GPD2: variants seen among roughly 807,000 people sequenced by gnomAD.
GPD2 encodes glycerol-3-phosphate dehydrogenase 2.
Under a neutral mutation model 82.4 loss-of-function variants are expected in GPD2, and 54 were observed. That is an observed-to-expected ratio of 0.66 (90% CI 0.53 to 0.82). GPD2 has a LOEUF of 0.82. Among genes scored for constraint, GPD2 ranks in the 40% least tolerant of loss-of-function variants. The probability of loss-of-function intolerance (pLI) is 0.00; values close to 1 mark genes in which losing one functional copy is unlikely to be tolerated. For synonymous variants in GPD2, 288 were observed against 306.1 expected (o/e 0.94, Z 0.62); for missense variants, 748 against 896.2 (o/e 0.83, Z 2.11).
intron 1 of GPD2, among the ~76,000 whole-genome samples, chr2:156,469,641 T>C (rs1488458706): frequency 6.6e-6 from 1 of 152,178 alleles, no homozygotes; most frequent in African/African-American, 2.4e-5. Context: ...TGCTGGAGAA[T>C]GCATGCCCCG....
chr2:156,450,559 T>G (rs980349509), intron 1 of GPD2, among the ~76,000 whole-genome samples: 1 of 152,076 alleles, frequency 6.6e-6, no homozygotes, highest in Non-Finnish European at 1.5e-5. Flanking sequence ...TTTGGTGAAA[T>G]GAGGTCATTT....
intron 2 of GPD2, among the ~76,000 whole-genome samples, chr2:156,495,217 C>T (rs1337386804): frequency 2.0e-5 from 3 of 151,996 alleles, no homozygotes; most frequent in South Asian, 2.1e-4. Flanking sequence ...GGCTTGGTGG[C>T]GCACACCTGT....
chr2:156,429,625 T>C, the GPD2 span, among the ~76,000 whole-genome samples: 1 of 152,212 alleles, frequency 6.6e-6, no homozygotes, highest in Admixed American at 6.5e-5. Context: ...TTCCCAGTTC[T>C]TATAAAGCAG....
At chr2:156,480,181 G>A (rs1683671945) in intron 2 of GPD2, among the ~76,000 whole-genome samples, 1 of 152,214 alleles carries the variant, frequency 6.6e-6, no homozygotes, top group African/African-American at 2.4e-5. Flanking sequence ...GGAGAATGGA[G>A]TAGATGAAGA....
intron 2 of GPD2, among the ~76,000 whole-genome samples, chr2:156,484,275 A>C (rs536357477): frequency 6.6e-6 from 1 of 151,958 alleles, no homozygotes; most frequent in Non-Finnish European, 1.5e-5. Context: ...AGCTGGGATT[A>C]CAGTCGCCTG....
chr2:156,487,080 C>A (rs1683972305), intron 2 of GPD2, among the ~76,000 whole-genome samples: 1 of 152,110 alleles, frequency 6.6e-6, no homozygotes, highest in African/African-American at 2.4e-5. Flanking sequence ...CCAAGGCGGG[C>A]AGATCACCTG....
intron 1 of GPD2, among the ~76,000 whole-genome samples, chr2:156,454,149 C>T (rs578034645): frequency 1.4e-4 from 22 of 152,080 alleles, no homozygotes; most frequent in Non-Finnish European, 2.9e-4. Flanking sequence ...TGAACAGAGT[C>T]GTTACTCAAA....
chr2:156,495,506 TTAAA>T, intron 2 of GPD2: 1 of 351,284 alleles, frequency 2.8e-6, no homozygotes, highest in Non-Finnish European at 6.0e-6. Context: ...GTACCTTCTG[TTAAA>T]TAAATTCTTT....
chr2:156,545,518 A>G (rs967238993), intron 6 of GPD2, among the ~76,000 whole-genome samples: 10 of 152,216 alleles, frequency 6.6e-5, no homozygotes, highest in Non-Finnish European at 1.5e-4. Flanking sequence ...TTTTTAATTG[A>G]TGAAATTATG....
At chr2:156,450,721 G>A (rs1254309546) in intron 1 of GPD2, among the ~76,000 whole-genome samples, 1 of 84,036 alleles carries the variant, frequency 1.2e-5, no homozygotes, top group Non-Finnish European at 2.4e-5. Flanking sequence ...AGGGGGATTT[G>A]GCAGGGTCAC....
intron 6 of GPD2, among the ~76,000 whole-genome samples, chr2:156,513,844 T>C (rs540562022): frequency 6.6e-6 from 1 of 152,356 alleles, no homozygotes; most frequent in East Asian, 1.9e-4. Context: ...CTTATGAATA[T>C]ATTATAATGT....
At chr2:156,527,488 A>T (rs916933171) in intron 6 of GPD2, among the ~76,000 whole-genome samples, 5 of 152,066 alleles carry the variant, frequency 3.3e-5, no homozygotes, top group Non-Finnish European at 7.4e-5. Flanking sequence ...TATTTTTTTT[A>T]ACTCATCTTT....
chr2:156,456,399 T>C (rs1187700788), intron 1 of GPD2, among the ~76,000 whole-genome samples: 1 of 151,128 alleles, frequency 6.6e-6, no homozygotes, highest in African/African-American at 2.4e-5. Flanking sequence ...AGGTCAGGAG[T>C]TTGAGACCAG....
At chr2:156,462,050 A>T (rs1036329278) in intron 1 of GPD2, among the ~76,000 whole-genome samples, 3 of 152,218 alleles carry the variant, frequency 2.0e-5, no homozygotes, top group Non-Finnish European at 4.4e-5. Context: ...GGAATTTTCG[A>T]GTTTTTTAGA....
chr2:156,414,210 A>G, the GPD2 span, among the ~76,000 whole-genome samples: 1 of 152,334 alleles, frequency 6.6e-6, no homozygotes, highest in Non-Finnish European at 1.5e-5. Context: ...AATGTCATCA[A>G]TGTATTCTTA....
At chr2:156,535,408 A>G (rs1232791125) in intron 6 of GPD2, among the ~76,000 whole-genome samples, 2 of 108,388 alleles carry the variant, frequency 1.8e-5, no homozygotes, top group African/African-American at 7.1e-5. Context: ...GCGGGGAGAG[A>G]GAGAGACCTA....
At chr2:156,443,279 T>C (rs1280111399) in intron 1 of GPD2, among the ~76,000 whole-genome samples, 1 of 152,246 alleles carries the variant, frequency 6.6e-6, no homozygotes, top group Non-Finnish European at 1.5e-5. Flanking sequence ...CCTGTAATTA[T>C]TTGCAAGCAT....
At chr2:156,551,403 G>T (rs1222696997) in intron 8 of GPD2, among the ~76,000 whole-genome samples, 1 of 152,072 alleles carries the variant, frequency 6.6e-6, no homozygotes, top group East Asian at 1.9e-4. Flanking sequence ...AATTACAAAA[G>T]AAACATTTGT....
At chr2:156,431,052 G>T (rs1038294616), upstream of GPD2, among the ~76,000 whole-genome samples, 10 of 152,210 alleles carry the variant, frequency 6.6e-5, no homozygotes, top group Middle Eastern at 3.2e-3. Context: ...TGTAAGACAG[G>T]TATGGGTGAA....
Sources: allele counts gnomAD v4.1 joint callset (sites outside exome capture counted in the v4.1 genomes callset), GRCh38; gene constraint gnomAD v4.1.1; transcripts MANE v1.5; gene names NCBI Gene and HGNC (gene_info 2026-07-23, HGNC 2026-07-21).